Variants in RCSD1 observed in about 807,000 individuals in gnomAD.
The protein encoded by RCSD1 is capZ-interacting protein.
In RCSD1, 26 loss-of-function variants were observed where a neutral mutation model predicts 42.5. The ratio of observed to expected loss-of-function variants is 0.61; its 90% CI spans 0.45 to 0.85. The LOEUF is 0.85. Among genes scored for constraint, RCSD1 ranks in the 40% least tolerant of loss-of-function variants. RCSD1 has a pLI of 0.00. For synonymous variants in RCSD1, 220 were observed against 212.2 expected, an observed-to-expected ratio of 1.04 and a Z score of -0.32; for missense variants, 571 against 528.3, an observed-to-expected ratio of 1.08 and a Z score of -0.79.
chr1:167,630,336 ACGGC>A lies in RCSD1; in HGVS notation c.-84_-81del, dbSNP rs1200206680. ...TGCCCGCCGCAGCCCGAAACTGGCC[ACGGC>A]CGGGAGCGGAGGGGACAGCGGGGAT... On this transcript the variant is annotated 5_prime_UTR_variant, in exon 1 of 7. Coordinates refer to ENST00000367854, the MANE Select transcript of RCSD1 (RefSeq NM_052862.4). The A allele has an allele frequency of 2.9e-5, 38 of 1,312,102 alleles. No individual in the cohort carries two copies. The East Asian group carries it at 1.1e-3, about 40-fold the overall frequency. The allele number at this position is 1,312,102 out of a possible 1,614,324, so 81.3% of individuals were successfully genotyped here.
At chr1:167,684,192 C>G (rs1659163298) in intron 2 of RCSD1, among the ~76,000 whole-genome samples, 191 bp downstream of exon 2, 1 of 152,228 alleles carries the variant, frequency 6.6e-6, no homozygotes, top group Non-Finnish European at 1.5e-5. Flanking sequence ...GAATCTGTCC[C>G]CACCAGGGTG....
chr1:167,690,649 G>C (rs1038526739), intron 4 of RCSD1, among the ~76,000 whole-genome samples: 5 of 152,046 alleles, frequency 3.3e-5, no homozygotes, highest in Non-Finnish European at 7.4e-5. Flanking sequence ...ACTCCAGCCT[G>C]AGTAACAGAG....
At chr1:167,630,489 T>C in intron 1 of RCSD1, 60 bp downstream of exon 1, 1 of 1,478,024 alleles carries the variant, frequency 6.8e-7, no homozygotes. Flanking sequence ...GGGCGCCCCT[T>C]CCCCGGGCGG....
chr1:167,676,496 C>G (rs1163386192), intron 1 of RCSD1, among the ~76,000 whole-genome samples: 1 of 152,230 alleles, frequency 6.6e-6, no homozygotes, highest in African/African-American at 2.4e-5. Flanking sequence ...AGATCTGACT[C>G]TGAATTTGTT....
rs67816313 is a variant in RCSD1 at position 167,644,488 on chromosome 1, AATACATAC to A, written c.6+14102_6+14109del. Among the ~76,000 whole-genome samples, 586 of 76,752 alleles carry A rather than the reference AATACATAC, an allele frequency of 7.6e-3. 4 individuals carry two copies. The highest frequency in any genetic ancestry group is 0.026 in the African/African-American group (469 of 17,976). 50.4% of individuals were successfully genotyped at this position (76,752 alleles called of 152,430 possible). On this transcript the variant is annotated intron_variant, in intron 1 of 6. Transcript: ENST00000367854. ...GAGTGAAACTCTGTCTCAAAAAATA[AATACATAC>A]ATACATACATACATACATACATACA... is the stretch of plus-strand genomic sequence containing the variant.
intron 1 of RCSD1, among the ~76,000 whole-genome samples, chr1:167,639,907 C>T (rs1657963236): frequency 6.6e-6 from 1 of 152,252 alleles, no homozygotes; most frequent in Admixed American, 6.5e-5. Context: ...CTCCGATGCC[C>T]TCAAGGGGTC....
intron 6 of RCSD1, among the ~76,000 whole-genome samples, chr1:167,702,433 G>T (rs973483029): frequency 6.6e-6 from 1 of 152,146 alleles, no homozygotes; most frequent in Non-Finnish European, 1.5e-5. Context: ...AGGAAAAGTC[G>T]CCCTGAAAAG....
chr1:167,663,074 A>G (rs1658575035), intron 1 of RCSD1, among the ~76,000 whole-genome samples: 1 of 152,196 alleles, frequency 6.6e-6, no homozygotes, highest in East Asian at 1.9e-4. Flanking sequence ...CTGCTGGGTC[A>G]GTGGCCTCGC....
At chr1:167,702,133 C>G (rs1234647679) in intron 6 of RCSD1, among the ~76,000 whole-genome samples, 1 of 152,152 alleles carries the variant, frequency 6.6e-6, no homozygotes, top group African/African-American at 2.4e-5. Context: ...AAGACAGAGG[C>G]ATAAACAAAT....
chr1:167,667,175 G>A (rs1277579153), intron 1 of RCSD1, among the ~76,000 whole-genome samples: 4 of 150,612 alleles, frequency 2.7e-5, no homozygotes, highest in Non-Finnish European at 4.4e-5. Flanking sequence ...GGGAGGGGGC[G>A]CCTATCCCGT....
intron 1 of RCSD1, chr1:167,664,884 A>G (rs566711705): frequency 6.6e-6 from 1 of 152,334 alleles, no homozygotes; most frequent in East Asian, 1.9e-4. Flanking sequence ...TACTAAAAAT[A>G]CAAATTAGCC....
At chr1:167,661,390 G>A (rs1321475800) in intron 1 of RCSD1, among the ~76,000 whole-genome samples, 1 of 152,248 alleles carries the variant, frequency 6.6e-6, no homozygotes, top group Non-Finnish European at 1.5e-5. Context: ...GTGCTTGGAC[G>A]TTAGGCTGAT....
intron 6 of RCSD1, among the ~76,000 whole-genome samples, chr1:167,699,365 G>C (rs1378763207): frequency 6.6e-6 from 1 of 152,174 alleles, no homozygotes; most frequent in Non-Finnish European, 1.5e-5. Context: ...AGTTCTGGGG[G>C]AGAATCTGTT....
chr1:167,682,694 T>TGC (rs1659111565), intron 1 of RCSD1, among the ~76,000 whole-genome samples: 1 of 151,636 alleles, frequency 6.6e-6, no homozygotes, highest in South Asian at 2.1e-4. Context: ...TGTGTGTGTG[T>TGC]GTGTGTGTGT....
At chr1:167,637,729 ACC>A (rs1657895214) in intron 1 of RCSD1, among the ~76,000 whole-genome samples, 1 of 115,052 alleles carries the variant, frequency 8.7e-6, no homozygotes, top group South Asian at 3.2e-4. Context: ...CTAGGAATAG[ACC>A]ACACACACAC....
intron 1 of RCSD1, among the ~76,000 whole-genome samples, chr1:167,673,854 C>T (rs1353692010): frequency 1.3e-5 from 2 of 152,226 alleles, no homozygotes; most frequent in Non-Finnish European, 2.9e-5. Flanking sequence ...ACCTTCTCTC[C>T]TAGCAAGCTG....
At chr1:167,659,267 G>T (rs145236927) in intron 1 of RCSD1, among the ~76,000 whole-genome samples, 1 of 152,232 alleles carries the variant, frequency 6.6e-6, no homozygotes, top group Admixed American at 6.5e-5. Flanking sequence ...CATTATGCGA[G>T]AGTGCTTTAT....
chr1:167,654,050 A>T lies in RCSD1; in HGVS notation c.6+23621A>T, dbSNP rs538008191. Among the ~76,000 whole-genome samples, 20 of 152,348 alleles carry T rather than the reference A, an allele frequency of 1.3e-4. No homozygotes were observed. In the East Asian group the frequency reaches 3.9e-3, roughly 29 times the overall value. ...TTCCACCTTCTACAGCATACGGATC[A>T]TAATGCTTGGCTGGTTCAAAAGGTA... On this transcript the variant is annotated intron_variant, in intron 1 of 6. Transcript: ENST00000367854.
At chr1:167,704,138 A>G (rs1659704489) in intron 6 of RCSD1, among the ~76,000 whole-genome samples, 1 of 152,224 alleles carries the variant, frequency 6.6e-6, no homozygotes, top group South Asian at 2.1e-4. Flanking sequence ...TGTTGAATAA[A>G]TAGCTACTTT....
Sources: allele counts gnomAD v4.1 joint callset (sites outside exome capture counted in the v4.1 genomes callset), GRCh38; gene constraint gnomAD v4.1.1; transcripts MANE v1.5; gene names NCBI Gene and HGNC (gene_info 2026-07-23, HGNC 2026-07-21).